ZNF862: variants seen among roughly 807,000 people sequenced by gnomAD.
ZNF862 encodes the protein zinc finger protein 862.
ZNF862 carries 64 observed loss-of-function variants against 91.1 expected under a neutral mutation model. That is an observed-to-expected ratio of 0.70 (90% CI 0.57 to 0.87). The LOEUF is 0.87. Among genes scored for constraint, ZNF862 ranks in the 40% least tolerant of loss-of-function variants. The probability of loss-of-function intolerance (pLI) is 0.00; values close to 1 mark genes in which losing one functional copy is unlikely to be tolerated. For synonymous variants in ZNF862, 631 were observed against 618.1 expected, an observed-to-expected ratio of 1.02 and a Z score of -0.31; for missense variants, 1,459 against 1,528.0, an observed-to-expected ratio of 0.95 and a Z score of 0.75.
intron 5 of ZNF862, among the ~76,000 whole-genome samples, chr7:149,851,097 G>C (rs1802056242): frequency 6.6e-6 from 1 of 152,208 alleles, no homozygotes; most frequent in African/African-American, 2.4e-5. Flanking sequence ...CATCAAGATG[G>C]AAAGACAACT....
At position 149,862,198 on chromosome 7, in the gene ZNF862, T is replaced by C. The variant is rs1802535414; in HGVS notation, c.3038T>C (p.Leu1013Pro). ...TTCTCCATGCTCTGCAAAAACGCCC[T>C]GGCCCAGCACTGCCGCTTCCCCCTG... is the stretch of plus-strand genomic sequence containing the variant. The part of the protein sequence containing the change: ...LPFSMLCKNA[L>P]AQHCRFPLLS... The change falls in exon 7 of 8, where the codon CTG (leucine) becomes CCG (proline). Residue 1013 changes from leucine to proline, a missense_variant. Leu to Pro is a moderately conservative substitution (Grantham distance 98). Coordinates refer to ENST00000223210, the MANE Select transcript of ZNF862 (RefSeq NM_001099220.3). 6.2e-7 allele frequency: 1 copy of C among 1,613,612 alleles called. No individual in the cohort carries two copies. Among genetic ancestry groups the C allele is most frequent in the South Asian group, 1.1e-5 (1 of 91,082 alleles).
At chr7:149,839,891 A>AG (rs1563114163) in intron 1 of ZNF862, among the ~76,000 whole-genome samples, 1 of 152,320 alleles carries the variant, frequency 6.6e-6, no homozygotes, top group East Asian at 1.9e-4. Flanking sequence ...AGCAAAATGT[A>AG]GGGGGAAGAA....
In ZNF862 at chr7:149,860,230, T is replaced by TTAAG. The variant is rs1295712800; in HGVS notation, c.1223-151_1223-148dup. ...TTCACAGATGAGAATGGGTGAGGGT[T>TTAAG]TAAGTGGACGCCACTTTCTCTAGAA... On this transcript the variant is annotated intron_variant, in intron 6 of 7. Coordinates refer to ENST00000223210, the MANE Select transcript of ZNF862 (RefSeq NM_001099220.3). The TTAAG allele has an allele frequency of 4.3e-6, 3 of 698,222 alleles. No homozygotes were observed. In the African/African-American group the frequency reaches 5.4e-5, roughly 13 times the overall value. 43.3% of individuals were successfully genotyped at this position (698,222 alleles called of 1,614,324 possible). A position where few individuals can be genotyped will look rare whatever the true frequency, so the allele number is the denominator to read the frequency against.
intron 1 of ZNF862, chr7:149,841,638 G>A (rs1213377828): frequency 1.8e-5 from 18 of 985,274 alleles, no homozygotes; most frequent in Admixed American, 6.1e-5. Context: ...ACTGCAGCCC[G>A]CCACCTCATG....
At chr7:149,857,267 ACTTC>A (rs1802293978) in intron 5 of ZNF862, among the ~76,000 whole-genome samples, 1 of 151,302 alleles carries the variant, frequency 6.6e-6, no homozygotes, top group African/African-American at 2.4e-5. Flanking sequence ...TTGATATTGG[ACTTC>A]CTGGATTGAG....
At position 149,859,525 on chromosome 7, in the gene ZNF862, A is replaced by C. The variant is rs149503580; in HGVS notation, c.1221A>C (p.Pro407=). 5.4e-5 allele frequency: 84 copies of C among 1,565,708 alleles called. No homozygotes were observed. The African/African-American group carries it at 8.7e-4, about 16-fold the overall frequency. The change falls in exon 6 of 8, where the codon CCA becomes CCC. Residue 407 remains proline (P), a splice_region_variant and synonymous_variant. Transcript: ENST00000223210. ...CAAAGTGGGGGAAAGGTCGTCCTCCAGGTGAGTGTAAACCTACAGCATTCT... is the reference window on the plus strand; with the variant it reads ...CAAAGTGGGGGAAAGGTCGTCCTCCCGGTGAGTGTAAACCTACAGCATTCT... The part of the protein sequence containing the change: ...NGPKWGKGRP[P]GNKKMVAVRE...
intron 1 of ZNF862, among the ~76,000 whole-genome samples, chr7:149,840,544 CCACTCACTCACT>C (rs535523728): frequency 3.9e-4 from 60 of 152,050 alleles, no homozygotes; most frequent in African/African-American, 1.3e-3. Context: ...CATTCTCTCA[CCACTCACTCACT>C]CACTCACTCA....
chr7:149,856,031 C>G (rs1025229979), intron 5 of ZNF862: 1 of 152,568 alleles, frequency 6.6e-6, no homozygotes, highest in South Asian at 2.1e-4. Flanking sequence ...ATCCCTGGTG[C>G]CCAACTTCCT....
chr7:149,862,282 G>A lies in ZNF862; in HGVS notation c.3122G>A (p.Arg1041Gln), dbSNP rs367713222. ...CVPISTSCCE[R>Q]GFKAMNRIRT... The stretch of plus-strand genomic sequence containing the variant: ...CCCATCTCCACCTCTTGCTGTGAGC[G>A]GGGGTTCAAGGCCATGAACCGAATC... Residue 1041 changes from arginine (R) to glutamine (Q), a missense_variant, in exon 7 of 8, where the codon CGG (arginine) becomes CAG (glutamine). Transcript: ENST00000223210. The A allele has an allele frequency of 1.2e-5, 19 of 1,613,438 alleles. No individual in the cohort carries two copies. The highest frequency in any genetic ancestry group is 4.5e-5 in the East Asian group (2 of 44,866).
Position 149,850,421 on chromosome 7 carries a change from T to G in ZNF862, c.1117+83T>G. ...GGGGAGCTGTGGCTTGTGGTTATCT[T>G]CCCATTCCTGCCCCCTCCCTGTGTG... On this transcript the variant is annotated intron_variant, in intron 5 of 7. Transcript: ENST00000223210. The surrounding 1 kb of genome is among the most constrained non-coding windows in gnomAD (Gnocchi z 4.2). The G allele has an allele frequency of 7.1e-7, 1 of 1,410,880 alleles. No homozygotes were observed. Among genetic ancestry groups the G allele is most frequent in the South Asian group, 1.4e-5 (1 of 72,738 alleles). The allele number at this position is 1,410,880 out of a possible 1,614,324, so 87.4% of individuals were successfully genotyped here.
In ZNF862 at chr7:149,861,494, C is replaced by T. The variant is rs752361058; in HGVS notation, c.2334C>T (p.Ile778=). The change falls in exon 7 of 8, where the codon ATC becomes ATT. Residue 778 remains isoleucine (I), a synonymous_variant. Transcript: ENST00000223210. This position sits in a 1 kb window ranked among gnomAD's most constrained non-coding sequence, Gnocchi z 6.7. ...QEGAAPLEQE[I]IRLKDLNAVR... is the part of the protein sequence containing the mutation. ...GTGCGGCGCCTCTGGAGCAGGAGAT[C>T]ATCCGCCTGAAGGATCTGAATGCGG... The T allele has an allele frequency of 1.2e-6, 2 of 1,612,250 alleles. No homozygotes were observed. Among genetic ancestry groups the T allele is most frequent in the South Asian group, 1.1e-5 (1 of 90,948 alleles).
chr7:149,861,456 G>T lies in ZNF862; in HGVS notation c.2296G>T (p.Glu766Ter), dbSNP rs1481426694. Reference protein sequence around the residue: ...FYQSSNKRLNELQEGAAPLEQ... With the variant: ...FYQSSNKRLN Reference sequence around the variant, plus strand: ...TCAGTCCTCAAACAAGAGGCTGAACGAGCTGCAGGAAGGTGCGGCGCCTCT... The same window carrying T: ...TCAGTCCTCAAACAAGAGGCTGAACTAGCTGCAGGAAGGTGCGGCGCCTCT... The change falls in exon 7 of 8, where the codon GAG becomes TAG. Residue 766 changes from glutamate (E) to a stop codon, truncating the protein, a stop_gained. Coordinates refer to ENST00000223210, the MANE Select transcript of ZNF862 (RefSeq NM_001099220.3). LOFTEE classifies it high-confidence loss of function. This position sits in a 1 kb window ranked among gnomAD's most constrained non-coding sequence, Gnocchi z 6.7. 1 of 1,613,384 alleles carries T rather than the reference G, an allele frequency of 6.2e-7. No homozygotes were observed. Among genetic ancestry groups the T allele is most frequent in the African/African-American group, 1.3e-5 (1 of 74,956 alleles).
intron 1 of ZNF862, among the ~76,000 whole-genome samples, chr7:149,842,050 A>AG (rs1801726883): frequency 6.6e-6 from 1 of 152,168 alleles, no homozygotes; most frequent in African/African-American, 2.4e-5. Flanking sequence ...ACTGGACTCC[A>AG]GGGGGGATAT....
At position 149,864,366 on chromosome 7, in the gene ZNF862, G is replaced by C; in HGVS notation, c.*82G>C. The C allele has an allele frequency of 7.2e-7, 1 of 1,394,748 alleles. No individual in the cohort carries two copies. The highest frequency in any genetic ancestry group is 9.6e-7 in the Non-Finnish European group (1 of 1,039,494). 86.4% of individuals were successfully genotyped at this position (1,394,748 alleles called of 1,614,324 possible). On this transcript the variant is annotated 3_prime_UTR_variant, in exon 8 of 8. Transcript: ENST00000223210. ...CTCTGCAGATTCTAGGCTGCCCTAG[G>C]ATCTTCTGCTGGTGGCGATGGTCTC... is the stretch of plus-strand genomic sequence containing the variant.
intron 1 of ZNF862, among the ~76,000 whole-genome samples, chr7:149,843,246 G>A (rs1256127490): frequency 6.6e-6 from 1 of 152,082 alleles, no homozygotes; most frequent in Admixed American, 6.5e-5. Context: ...CTACTGTTGA[G>A]GTTAAAATCG....
In ZNF862 at chr7:149,861,804, C is replaced by T. The variant is rs776523586; in HGVS notation, c.2644C>T (p.Leu882Phe). ...LGRAYVALES[L>F]RHQAGPKEEE... ...CCGCGCCTACGTGGCACTGGAGAGCCTCCGTCACCAGGCAGGGCCCAAAGA... is the reference window on the plus strand; with the variant it reads ...CCGCGCCTACGTGGCACTGGAGAGCTTCCGTCACCAGGCAGGGCCCAAAGA... Residue 882 changes from leucine to phenylalanine, a missense_variant, in exon 7 of 8, where the codon CTC becomes TTC. Transcript: ENST00000223210. The surrounding 1 kb of genome is among the most constrained non-coding windows in gnomAD (Gnocchi z 6.7). The T allele has an allele frequency of 6.2e-7, 1 of 1,613,658 alleles. No homozygotes were observed. The highest frequency in any genetic ancestry group is 8.5e-7 in the Non-Finnish European group (1 of 1,179,874).
At position 149,850,329 on chromosome 7, in the gene ZNF862, G is replaced by A; in HGVS notation, c.1108G>A (p.Ala370Thr). The part of the protein sequence containing the change: ...DVMRMNYELL[A>T]SLGPAAAKPD... ...GATGCGGATGAACTACGAGCTGTTG[G>A]CATCCTTGGGTAAAGACGCACCGAG... The change falls in exon 5 of 8, where the codon GCA becomes ACA. Residue 370 changes from alanine (A) to threonine (T), a missense_variant. Ala to Thr is a moderately conservative substitution (Grantham distance 58). Transcript: ENST00000223210. This position sits in a 1 kb window ranked among gnomAD's most constrained non-coding sequence, Gnocchi z 4.2. 1 of 1,611,126 alleles carries A rather than the reference G, an allele frequency of 6.2e-7. No homozygotes were observed. The highest frequency in any genetic ancestry group is 1.1e-5 in the South Asian group (1 of 90,886).
rs1178421971 is a variant in ZNF862, at chr7:149,861,404, G to A, written c.2244G>A (p.Arg748=). 9 of 1,613,044 alleles carry A rather than the reference G, an allele frequency of 5.6e-6. No homozygotes were observed. The highest frequency in any genetic ancestry group is 5.0e-5 in the Admixed American group (3 of 60,008). Residue 748 remains arginine, a synonymous_variant, in exon 7 of 8, where the codon CGG becomes CGA. Coordinates refer to ENST00000223210, the MANE Select transcript of ZNF862 (RefSeq NM_001099220.3). The surrounding 1 kb of genome is among the most constrained non-coding windows in gnomAD (Gnocchi z 6.7). ...GSIDLVKKCD[R]HIRTVFKFYQ... ...TCGATCTGGTGAAGAAGTGTGACCG[G>A]CACATCCGCACCGTCTTCAAGTTTT...
chr7:149,855,065 G>GA lies in ZNF862; in HGVS notation c.1118-4357_1118-4356insA, dbSNP rs1283998542. ...ACTACCTATGAAAGGGTCCTTTTTT[G>GA]TTGGGTAATACACATGAAGTATTTA... On this transcript the variant is annotated intron_variant, in intron 5 of 7. Coordinates refer to ENST00000223210, the MANE Select transcript of ZNF862 (RefSeq NM_001099220.3). This position sits in a 1 kb window ranked among gnomAD's most constrained non-coding sequence, Gnocchi z 4.1. Among the ~76,000 whole-genome samples the GA allele has an allele frequency of 4.6e-5, 7 of 152,248 alleles. No homozygotes were observed. Among genetic ancestry groups the GA allele is most frequent in the Non-Finnish European group, 7.4e-5 (5 of 67,992 alleles).
Sources: allele counts gnomAD v4.1 joint callset (sites outside exome capture counted in the v4.1 genomes callset), GRCh38; gene constraint gnomAD v4.1.1; non-coding constraint Gnocchi (gnomAD v3.1); transcripts MANE v1.5; gene names NCBI Gene and HGNC (gene_info 2026-07-23, HGNC 2026-07-21).